Variants in QSOX1 observed in about 807,000 individuals in gnomAD.
QSOX1 encodes quiescin sulfhydryl oxidase 1, also known as sulfhydryl oxidase 1.
Under a neutral mutation model 76.1 loss-of-function variants are expected in QSOX1, and 40 were observed. The observed-to-expected ratio is 0.53, with a 90% confidence interval of 0.41 to 0.68. The LOEUF (loss-of-function observed/expected upper bound fraction) is 0.68, where lower values mean the gene tolerates loss of function less well. Ranked by LOEUF, QSOX1 falls within the 30% of genes least tolerant of loss-of-function variation. The probability of loss-of-function intolerance (pLI) is 0.00; values close to 1 mark genes in which losing one functional copy is unlikely to be tolerated. For missense variants in QSOX1, 931 were observed against 974.3 expected (o/e 0.96, Z 0.59); for synonymous variants, 392 against 413.1 (o/e 0.95, Z 0.62).
chr1:180,168,998 T>C (rs934268794), intron 2 of QSOX1, among the ~76,000 whole-genome samples: 4 of 152,266 alleles, frequency 2.6e-5, no homozygotes, highest in African/African-American at 9.6e-5. Flanking sequence ...CACACAAGTC[T>C]GGCCTCCCTG....
intron 1 of QSOX1, among the ~76,000 whole-genome samples, chr1:180,161,249 T>A (rs1183671950): frequency 2.0e-5 from 3 of 151,724 alleles, no homozygotes; most frequent in Non-Finnish European, 2.9e-5. Flanking sequence ...GCCTAATTAT[T>A]TACATAAGTG....
At chr1:180,175,705 G>A (rs1662872279) in intron 3 of QSOX1, among the ~76,000 whole-genome samples, 1 of 152,182 alleles carries the variant, frequency 6.6e-6, no homozygotes, top group Non-Finnish European at 1.5e-5. Flanking sequence ...CCAGTTCTGA[G>A]GGATTCTTTC....
At chr1:180,172,326 C>T (rs1237468998) in intron 2 of QSOX1, among the ~76,000 whole-genome samples, 2 of 151,988 alleles carry the variant, frequency 1.3e-5, no homozygotes, top group Admixed American at 6.6e-5. Context: ...GAGACATTGG[C>T]CTGGGAGGTG....
Position 180,197,148 on chromosome 1 carries a change from G to A in QSOX1, c.*111G>A. The A allele has an allele frequency of 2.0e-6, 3 of 1,499,004 alleles. No individual in the cohort carries two copies. The highest frequency in any genetic ancestry group is 2.7e-6 in the Non-Finnish European group (3 of 1,126,798). 92.9% of individuals were successfully genotyped at this position (1,499,004 alleles called of 1,614,324 possible). A position where few individuals can be genotyped will look rare whatever the true frequency, so the allele number is the denominator to read the frequency against. On this transcript the variant is annotated 3_prime_UTR_variant, in exon 12 of 12. Coordinates refer to ENST00000367602, the MANE Select transcript of QSOX1 (RefSeq NM_002826.5). ...TGCTCCTTGTCTGGCCTAGAAGTGT[G>A]GGAAATTCAGGAAAACGAGTTGCTC... is the stretch of plus-strand genomic sequence containing the variant.
At chr1:180,158,372 C>T (rs1179644725) in intron 1 of QSOX1, among the ~76,000 whole-genome samples, 1 of 152,218 alleles carries the variant, frequency 6.6e-6, no homozygotes, top group African/African-American at 2.4e-5. Flanking sequence ...CCTGTGATTC[C>T]CAGCACAGAG....
chr1:180,191,099 C>T (rs12091590), intron 10 of QSOX1, among the ~76,000 whole-genome samples: 4,295 of 152,254 alleles, frequency 0.028, 114 homozygotes, highest in East Asian at 0.063. Flanking sequence ...CCATGTTCTC[C>T]GGCCACGCTG....
At chr1:180,155,312 C>G (rs1412995043) in intron 1 of QSOX1, 140 bp downstream of exon 1, 4 of 794,116 alleles carry the variant, frequency 5.0e-6, no homozygotes, top group Admixed American at 3.9e-5. Flanking sequence ...GCATCCCACG[C>G]CCACCACCTT....
intron 3 of QSOX1, among the ~76,000 whole-genome samples, 181 bp from the exon 4 acceptor site, chr1:180,175,750 G>T (rs1662873462): frequency 6.6e-6 from 1 of 152,172 alleles, no homozygotes; most frequent in Non-Finnish European, 1.5e-5. Context: ...CACTACTTGG[G>T]GCCACAGGAG....
intron 8 of QSOX1, among the ~76,000 whole-genome samples, chr1:180,187,100 C>T (rs1019846127): frequency 6.6e-6 from 1 of 152,194 alleles, no homozygotes; most frequent in African/African-American, 2.4e-5. Flanking sequence ...TGGGGCTGCC[C>T]TCGGGTGATT....
In QSOX1 at chr1:180,186,088, T is replaced by C. The variant is rs145881420; in HGVS notation, c.923T>C (p.Leu308Pro). 6.2e-7 allele frequency: 1 copy of C among 1,614,144 alleles called. No individual in the cohort carries two copies. The highest frequency in any genetic ancestry group is 1.1e-5 in the South Asian group (1 of 91,080). ...TACATGGCTGACCTGGAATCTGCAC[T>C]GCACTACATCCTGCGGATAGAAGTG... The part of the protein sequence containing the change: ...KIYMADLESA[L>P]HYILRIEVGR... The change falls in exon 8 of 12, where the codon CTG becomes CCG. Residue 308 changes from leucine (L) to proline (P), a missense_variant. Leu to Pro is a moderately conservative substitution (Grantham distance 98). Transcript: ENST00000367602.
intron 1 of QSOX1, 66 bp downstream of exon 1, chr1:180,155,238 G>T: frequency 7.3e-7 from 1 of 1,364,524 alleles, no homozygotes; most frequent in Non-Finnish European, 9.5e-7. Context: ...TGCCCGGTGG[G>T]CAGCCTCCTA....
At position 180,182,223 on chromosome 1, in the gene QSOX1, T is replaced by G; in HGVS notation, c.656T>G (p.Leu219Arg). 1 of 1,614,240 alleles carries G rather than the reference T, an allele frequency of 6.2e-7. No homozygotes were observed. The highest frequency in any genetic ancestry group is 1.7e-5 in the Admixed American group (1 of 60,032). The change falls in exon 6 of 12, where the codon CTG (leucine) becomes CGG (arginine). Residue 219 changes from leucine (L) to arginine (R), a missense_variant. Coordinates refer to ENST00000367602, the MANE Select transcript of QSOX1 (RefSeq NM_002826.5). ...QHKGVAVRRV[L>R]NTEANVVRKF... ...AAAGGCGTGGCGGTGCGCAGGGTGC[T>G]GAACACAGAGGCCAATGTGGTGAGA...
intron 10 of QSOX1, among the ~76,000 whole-genome samples, chr1:180,193,094 G>A (rs1663360770): frequency 6.6e-6 from 1 of 152,076 alleles, no homozygotes; most frequent in African/African-American, 2.4e-5. Flanking sequence ...GAGACCAGGA[G>A]GCAAGATTCT....
chr1:180,181,346 G>C (rs963458708), intron 5 of QSOX1, among the ~76,000 whole-genome samples: 1 of 152,168 alleles, frequency 6.6e-6, no homozygotes, highest in African/African-American at 2.4e-5. Flanking sequence ...ATTATGCTCA[G>C]AACTTCTCTT....
intron 1 of QSOX1, among the ~76,000 whole-genome samples, chr1:180,156,991 C>G (rs1237749266): frequency 1.3e-5 from 2 of 152,188 alleles, no homozygotes; most frequent in African/African-American, 2.4e-5. Flanking sequence ...ACATGTTTGG[C>G]CTCTTGCAAT....
chr1:180,189,439 G>GCCCCCCCCCCC, intron 8 of QSOX1, 113 bp from the exon 9 acceptor site: 1 of 232,806 alleles, frequency 4.3e-6, no homozygotes, highest in South Asian at 8.3e-5. Context: ...CCTCCCCACT[G>GCCCCCCCCCCC]CCCCCCGCCC....
intron 2 of QSOX1, among the ~76,000 whole-genome samples, chr1:180,167,311 C>G (rs1558184735): frequency 6.6e-6 from 1 of 152,228 alleles, no homozygotes; most frequent in African/African-American, 2.4e-5. Context: ...AAATCTCTGT[C>G]TCTGTAGCAC....
At chr1:180,186,616 C>T (rs1663180209) in intron 8 of QSOX1, among the ~76,000 whole-genome samples, 1 of 152,236 alleles carries the variant, frequency 6.6e-6, no homozygotes, top group Non-Finnish European at 1.5e-5. Context: ...CCAGTCTGAC[C>T]CGATCCCTGG....
intron 1 of QSOX1, among the ~76,000 whole-genome samples, chr1:180,164,101 A>G (rs993815419): frequency 4.6e-5 from 7 of 152,184 alleles, no homozygotes; most frequent in Non-Finnish European, 7.3e-5. Flanking sequence ...GGGATCAGCA[A>G]TCCCCTGGTA....
Sources: gnomAD v4.1 joint callset for allele counts (sites outside exome capture counted in the v4.1 genomes callset) on GRCh38, gnomAD v4.1.1 for gene constraint, MANE v1.5 for transcripts, NCBI Gene and HGNC (gene_info 2026-07-23, HGNC 2026-07-21) for gene names.